The following PHF14 variants were observed in gnomAD, a reference collection of about 807,000 sequenced individuals.
PHF14 encodes PHD finger protein 14.
A neutral mutation model predicts 117.9 loss-of-function variants in PHF14; 55 were observed. That is an observed-to-expected ratio of 0.47 (90% CI 0.38 to 0.58). The LOEUF is 0.58. Ranked by LOEUF, PHF14 falls within the 20% of genes least tolerant of loss-of-function variation. The pLI is 0.00. For missense variants in PHF14, 978 were observed against 1,122.2 expected (o/e 0.87, Z 1.84); for synonymous variants, 409 against 368.6 (o/e 1.11, Z -1.26).
intron 13 of PHF14, among the ~76,000 whole-genome samples, chr7:11,045,818 G>A (rs1784644484): frequency 6.6e-6 from 1 of 152,206 alleles, no homozygotes; most frequent in African/African-American, 2.4e-5. Context: ...AGAGACCTGG[G>A]ATGATGATGG....
chr7:10,977,256 T>A (rs1352331173), intron 2 of PHF14, among the ~76,000 whole-genome samples: 1 of 152,056 alleles, frequency 6.6e-6, no homozygotes, highest in Non-Finnish European at 1.5e-5. Flanking sequence ...TAGCTAAACA[T>A]CTGTCTGATC....
At position 11,051,432 on chromosome 7, in the gene PHF14, A is replaced by T. The variant is rs544230569; in HGVS notation, c.2313-180A>T. Among the ~76,000 whole-genome samples, 4 of 152,294 alleles carry T rather than the reference A, an allele frequency of 2.6e-5. No individual in the cohort carries two copies. In the East Asian group the frequency reaches 7.7e-4, roughly 29 times the overall value. ...AAATTGCCTTAAATATTATATTCAT[A>T]GTAGTCACTCTTAGAGGAGTATTTC... On this transcript the variant is annotated intron_variant, in intron 13 of 17. Coordinates refer to ENST00000634607, the MANE Select transcript of PHF14 (RefSeq NM_001007157.2).
chr7:10,993,703 T>C (rs1782537492), intron 4 of PHF14, among the ~76,000 whole-genome samples: 1 of 152,072 alleles, frequency 6.6e-6, no homozygotes, highest in East Asian at 1.9e-4. Flanking sequence ...TGCAGAAGTT[T>C]GTATTTGTAA....
intron 3 of PHF14, among the ~76,000 whole-genome samples, chr7:10,988,100 A>T (rs1357672923): frequency 6.6e-6 from 1 of 151,738 alleles, no homozygotes; most frequent in Non-Finnish European, 1.5e-5. Flanking sequence ...TAGATTTTCC[A>T]GTTGAAACAT....
intron 4 of PHF14, among the ~76,000 whole-genome samples, chr7:11,003,857 C>A (rs1219917575): frequency 6.6e-6 from 1 of 152,034 alleles, no homozygotes; most frequent in Admixed American, 6.6e-5. Context: ...ATGTATCTAC[C>A]CCATCTGTTG....
At chr7:10,976,466 G>A (rs1447755253) in intron 2 of PHF14, among the ~76,000 whole-genome samples, 1 of 151,948 alleles carries the variant, frequency 6.6e-6, no homozygotes, top group Non-Finnish European at 1.5e-5. Flanking sequence ...GTTGGGTCGT[G>A]GAAGTTACGA....
At chr7:11,155,143 ATATTT>A (rs1157120838) in intron 17 of PHF14, among the ~76,000 whole-genome samples, 2 of 152,190 alleles carry the variant, frequency 1.3e-5, no homozygotes, top group African/African-American at 4.8e-5. Flanking sequence ...TAGGCTCCTC[ATATTT>A]TATTTTATTT....
At chr7:11,046,035 G>T (rs1268764086) in intron 13 of PHF14, among the ~76,000 whole-genome samples, 1 of 152,168 alleles carries the variant, frequency 6.6e-6, no homozygotes, top group Non-Finnish European at 1.5e-5. Flanking sequence ...AGCTAGTAAA[G>T]AATATTATTA....
At chr7:11,104,061 G>A in intron 16 of PHF14, 1 of 984,740 alleles carries the variant, frequency 1.0e-6, no homozygotes, top group Non-Finnish European at 1.2e-6. Flanking sequence ...TAATCCATTA[G>A]ACCATGGCCC....
chr7:11,156,171 C>T (rs1036220579), intron 17 of PHF14, among the ~76,000 whole-genome samples: 9 of 152,082 alleles, frequency 5.9e-5, no homozygotes, highest in Non-Finnish European at 1.3e-4. Context: ...AAAGTAGTAG[C>T]TAAGACATAA....
intron 2 of PHF14, among the ~76,000 whole-genome samples, chr7:10,978,235 A>G (rs1781935960): frequency 6.6e-6 from 1 of 152,216 alleles, no homozygotes; most frequent in South Asian, 2.1e-4. Flanking sequence ...GTTATGGTGA[A>G]TTTACAAAAC....
At position 11,065,410 on chromosome 7, in the gene PHF14, T is replaced by G. The variant is rs116353275; in HGVS notation, c.2654+3325T>G. Among the ~76,000 whole-genome samples, 909 of 152,212 alleles carry G rather than the reference T, an allele frequency of 6.0e-3. 8 individuals carry two copies. The highest frequency in any genetic ancestry group is 0.021 in the African/African-American group (868 of 41,550). ...TTTGTTTCGACAGTTCATGGCACAT[T>G]TAATGATCAGAAAATGCTTGGTAAA... is the stretch of plus-strand genomic sequence containing the variant. On this transcript the variant is annotated intron_variant, in intron 16 of 17. Coordinates refer to ENST00000634607, the MANE Select transcript of PHF14 (RefSeq NM_001007157.2).
chr7:11,063,533 T>A (rs943702811), intron 16 of PHF14: 3 of 977,118 alleles, frequency 3.1e-6, no homozygotes, highest in East Asian at 1.1e-4. Flanking sequence ...TAAAAACTTA[T>A]AGAGCTGGTG....
rs571359379 is a variant in PHF14 at position 11,161,047 on chromosome 7, G to T, written c.2773-8369G>T. Among the ~76,000 whole-genome samples the T allele has an allele frequency of 2.0e-5, 3 of 152,188 alleles. No individual in the cohort carries two copies. The East Asian group carries it at 5.8e-4, about 29-fold the overall frequency. On this transcript the variant is annotated intron_variant, in intron 17 of 17. Coordinates refer to ENST00000634607, the MANE Select transcript of PHF14 (RefSeq NM_001007157.2). ...TGCTCTAAGATTCTTATAGTTTGAG[G>T]TCTTACATTTAAATCTGTAACACAA...
At chr7:11,004,246 CAAAAAAAAA>C (rs55917513) in intron 4 of PHF14, among the ~76,000 whole-genome samples, 1 of 51,264 alleles carries the variant, frequency 2.0e-5, no homozygotes, top group African/African-American at 7.2e-5. Context: ...GACTTTGTCT[CAAAAAAAAA>C]AAAAAAAAAA....
chr7:11,144,481 G>C (rs1788491658), intron 17 of PHF14, among the ~76,000 whole-genome samples: 1 of 150,824 alleles, frequency 6.6e-6, no homozygotes, highest in Non-Finnish European at 1.5e-5. Context: ...GTTTATTGCA[G>C]AGATACCTAC....
At chr7:10,989,106 C>T (rs1181708324) in intron 3 of PHF14, among the ~76,000 whole-genome samples, 1 of 152,084 alleles carries the variant, frequency 6.6e-6, no homozygotes, top group Non-Finnish European at 1.5e-5. Context: ...AAGCAAAATA[C>T]AGAACTTAGA....
At chr7:10,991,759 A>ATTTTTT (rs71023881) in intron 4 of PHF14, among the ~76,000 whole-genome samples, 5 of 111,042 alleles carry the variant, frequency 4.5e-5, no homozygotes, top group Admixed American at 1.1e-4. Flanking sequence ...TAATTTTTTA[A>ATTTTTT]TTTTTTTTTT....
intron 4 of PHF14, among the ~76,000 whole-genome samples, chr7:10,997,756 A>G (rs978307522): frequency 5.9e-5 from 9 of 152,236 alleles, no homozygotes; most frequent in African/African-American, 1.7e-4. Context: ...CATAAGCTGC[A>G]TGAATGTCTT....
Sources: gnomAD v4.1 joint callset for allele counts (sites outside exome capture counted in the v4.1 genomes callset) on GRCh38, gnomAD v4.1.1 for gene constraint, MANE v1.5 for transcripts, NCBI Gene and HGNC (gene_info 2026-07-23, HGNC 2026-07-21) for gene names.